Variants in RHOBTB2 observed in about 807,000 individuals in gnomAD.
RHOBTB2 encodes rho-related BTB domain-containing protein 2.
Under a neutral mutation model 66.5 loss-of-function variants are expected in RHOBTB2, and 39 were observed. The ratio of observed to expected loss-of-function variants is 0.59; its 90% CI spans 0.45 to 0.77. RHOBTB2 has a LOEUF of 0.77. Ranked by LOEUF, RHOBTB2 falls within the 30% of genes least tolerant of loss-of-function variation. The pLI is 0.00. For missense variants in RHOBTB2, 755 were observed against 999.1 expected, an observed-to-expected ratio of 0.76 and a Z score of 3.29; for synonymous variants, 390 against 395.0, an observed-to-expected ratio of 0.99 and a Z score of 0.15.
chr8:22,968,789 T>TAA, the RHOBTB2 span, among the ~76,000 whole-genome samples: 5 of 150,914 alleles, frequency 3.3e-5, no homozygotes, highest in African/African-American at 7.3e-5. Flanking sequence ...TGACTATTAA[T>TAA]AAAAAAAATC....
chr8:22,981,836 G>T, the RHOBTB2 span, among the ~76,000 whole-genome samples: 1 of 152,200 alleles, frequency 6.6e-6, no homozygotes, highest in Non-Finnish European at 1.5e-5. Flanking sequence ...GTCTCAGCCT[G>T]GCCCTGAGCC....
upstream of RHOBTB2, among the ~76,000 whole-genome samples, chr8:22,982,943 C>T (rs377756245): frequency 7.3e-4 from 111 of 152,312 alleles, no homozygotes; most frequent in African/African-American, 2.5e-3. Flanking sequence ...CAGGCCTCTG[C>T]CTCTTTTATA....
intron 2 of RHOBTB2, among the ~76,000 whole-genome samples, chr8:23,005,140 T>G (rs1810908748): frequency 6.6e-6 from 1 of 152,124 alleles, no homozygotes; most frequent in Non-Finnish European, 1.5e-5. Context: ...TCCACCTGCT[T>G]AGGGTCTCTT....
chr8:22,954,053 G>C, the RHOBTB2 span, among the ~76,000 whole-genome samples: 1 of 152,188 alleles, frequency 6.6e-6, no homozygotes, highest in Non-Finnish European at 1.5e-5. Flanking sequence ...ATATGCCATC[G>C]ATATGTGACT....
rs142549794 is a variant in RHOBTB2 at position 23,007,643 on chromosome 8, C to T, written c.1398C>T (p.Asn466=). 2.2e-5 allele frequency: 36 copies of T among 1,614,084 alleles called. No homozygotes were observed. Among genetic ancestry groups the T allele is most frequent in the African/African-American group, 4.0e-5 (3 of 74,936 alleles). The stretch of plus-strand genomic sequence containing the variant: ...TTGATCTGCGCATGATGGTGGCCAA[C>T]ATTCTCAACAATGAGGCCTTCATGA... ...EVFDLRMMVA[N]ILNNEAFMNQ... is the part of the protein sequence containing the mutation. The change falls in exon 5 of 10, where the codon AAC becomes AAT. Residue 466 remains asparagine (N), a synonymous_variant. Transcript: ENST00000251822.
chr8:23,002,764 CTGGAGACCATGAGGGCACTGCA>C (rs1209515616), intron 1 of RHOBTB2, among the ~76,000 whole-genome samples: 1 of 152,138 alleles, frequency 6.6e-6, no homozygotes. Context: ...TACAGTTGCC[CTGGAGACCATGAGGGCACTGCA>C]TGGAGACCTC....
chr8:23,014,404 C>G (rs566026998), intron 7 of RHOBTB2, among the ~76,000 whole-genome samples: 1 of 152,326 alleles, frequency 6.6e-6, no homozygotes, highest in South Asian at 2.1e-4. Flanking sequence ...GAACTTTGAC[C>G]CTACCTGTAT....
At chr8:23,012,822 G>T (rs1252840483) in intron 7 of RHOBTB2, among the ~76,000 whole-genome samples, 3 of 151,796 alleles carry the variant, frequency 2.0e-5, no homozygotes, top group African/African-American at 7.3e-5. Context: ...TTTATTTATT[G>T]ACATAGAGTC....
At chr8:23,016,279 T>G (rs1186606027) in intron 9 of RHOBTB2, among the ~76,000 whole-genome samples, 1 of 152,010 alleles carries the variant, frequency 6.6e-6, no homozygotes, top group African/African-American at 2.4e-5. Flanking sequence ...TGCCACTCTT[T>G]CCATGGGGTC....
the RHOBTB2 span, among the ~76,000 whole-genome samples, chr8:22,951,822 G>T: frequency 1.3e-5 from 2 of 152,142 alleles, no homozygotes. Flanking sequence ...TGATGTCTTA[G>T]CTTGGGCTCA....
At chr8:22,998,745 A>C (rs898227093), upstream of RHOBTB2, among the ~76,000 whole-genome samples, 54 of 150,390 alleles carry the variant, frequency 3.6e-4, no homozygotes, top group African/African-American at 1.3e-3. Flanking sequence ...AAAAAAAAAA[A>C]AGATTATCCT....
intron 1 of RHOBTB2, among the ~76,000 whole-genome samples, chr8:22,988,722 C>G (rs1021322755): frequency 1.3e-5 from 2 of 152,204 alleles, no homozygotes; most frequent in South Asian, 4.1e-4. Context: ...ACTCCCCCAC[C>G]CACAACCCAG....
chr8:22,990,548 C>T (rs1014531371), intron 1 of RHOBTB2, among the ~76,000 whole-genome samples: 8 of 152,218 alleles, frequency 5.3e-5, no homozygotes, highest in African/African-American at 1.9e-4. Flanking sequence ...CTCTCCCCTC[C>T]AGCCAGGCTT....
chr8:22,970,433 G>C, the RHOBTB2 span, among the ~76,000 whole-genome samples: 1 of 151,996 alleles, frequency 6.6e-6, no homozygotes, highest in Non-Finnish European at 1.5e-5. Context: ...TCAGACCATA[G>C]CATACACCAT....
the RHOBTB2 span, among the ~76,000 whole-genome samples, chr8:22,955,782 C>A: frequency 6.6e-6 from 1 of 152,038 alleles, no homozygotes; most frequent in Non-Finnish European, 1.5e-5. Flanking sequence ...GTTGGCCAAG[C>A]TGATCTCAAA....
chr8:22,975,918 C>T, the RHOBTB2 span, among the ~76,000 whole-genome samples: 1,909 of 152,062 alleles, frequency 0.013, 31 homozygotes, highest in African/African-American at 0.044. Flanking sequence ...GAGGCCAATG[C>T]GGGCGGATCA....
intron 7 of RHOBTB2, 117 bp downstream of exon 7, chr8:23,010,805 C>T (rs1811125651): frequency 4.4e-6 from 5 of 1,128,548 alleles, no homozygotes; most frequent in South Asian, 2.9e-5. Context: ...AGGGACTAAG[C>T]GTACATGAAA....
chr8:22,961,108 C>T, the RHOBTB2 span, among the ~76,000 whole-genome samples: 1 of 152,080 alleles, frequency 6.6e-6, no homozygotes, highest in Non-Finnish European at 1.5e-5. Flanking sequence ...CCCTATATTG[C>T]CCAGGCTAGT....
chr8:22,999,448 C>T, upstream of RHOBTB2: 1 of 606,002 alleles, frequency 1.7e-6, no homozygotes, highest in Non-Finnish European at 2.2e-6. Flanking sequence ...GGGAGCGGTG[C>T]TGCGAGGCGG....
Sources: allele counts gnomAD v4.1 joint callset (sites outside exome capture counted in the v4.1 genomes callset), GRCh38; gene constraint gnomAD v4.1.1; transcripts MANE v1.5; gene names NCBI Gene and HGNC (gene_info 2026-07-23, HGNC 2026-07-21).